Variants in NOX4 observed in about 807,000 individuals in gnomAD.
NOX4 encodes the protein NADPH oxidase 4, also known as kidney oxidase-1.
Under a neutral mutation model 87.6 loss-of-function variants are expected in NOX4, and 69 were observed. The observed-to-expected ratio is 0.79, with a 90% CI of 0.65 to 0.96. NOX4 has a LOEUF of 0.96. Ranked by LOEUF, NOX4 falls within the 40% of genes least tolerant of loss-of-function variation. The probability of loss-of-function intolerance (pLI) is 0.00; values close to 1 mark genes in which losing one functional copy is unlikely to be tolerated. For synonymous variants in NOX4, 275 were observed against 238.2 expected, an observed-to-expected ratio of 1.15 and a Z score of -1.42; for missense variants, 680 against 681.5, an observed-to-expected ratio of 1.00 and a Z score of 0.02.
chr11:89,422,124 A>C, intron 7 of NOX4, 142 bp from the exon 8 acceptor site: 1 of 492,710 alleles, frequency 2.0e-6, no homozygotes, highest in Admixed American at 4.3e-5. Context: ...TACTAATACC[A>C]AAGTATTAAC....
At chr11:89,536,348 A>G in the NOX4 span, among the ~76,000 whole-genome samples, 1 of 151,604 alleles carries the variant, frequency 6.6e-6, no homozygotes, top group Non-Finnish European at 1.5e-5. Flanking sequence ...GGGTTTCACC[A>G]TGTTAGCCAG....
At chr11:89,536,004 G>T in the NOX4 span, among the ~76,000 whole-genome samples, 1 of 151,936 alleles carries the variant, frequency 6.6e-6, no homozygotes, top group Non-Finnish European at 1.5e-5. Flanking sequence ...TTTACTAACC[G>T]CTGCCTTCAA....
At chr11:89,478,463 T>C (rs1453109062) in intron 2 of NOX4, among the ~76,000 whole-genome samples, 3 of 152,184 alleles carry the variant, frequency 2.0e-5, no homozygotes, top group African/African-American at 4.8e-5. Flanking sequence ...CATGACATCA[T>C]GCCACTCTCA....
intron 6 of NOX4, among the ~76,000 whole-genome samples, chr11:89,438,370 T>C (rs1411285625): frequency 1.0e-5 from 1 of 96,626 alleles, no homozygotes; most frequent in South Asian, 3.7e-4. Flanking sequence ...TTATATAATA[T>C]ATATAATATA....
chr11:89,360,854 A>T (rs1191545229), intron 12 of NOX4, among the ~76,000 whole-genome samples: 2 of 152,090 alleles, frequency 1.3e-5, no homozygotes, highest in African/African-American at 4.8e-5. Context: ...AAAAATGGCC[A>T]ACATCACTAA....
chr11:89,463,939 C>T (rs1945572960), intron 2 of NOX4, among the ~76,000 whole-genome samples: 1 of 151,850 alleles, frequency 6.6e-6, no homozygotes, highest in South Asian at 2.1e-4. Flanking sequence ...CTGGCATTTG[C>T]ATATGATAAG....
At chr11:89,571,833 C>A in the NOX4 span, among the ~76,000 whole-genome samples, 1 of 152,164 alleles carries the variant, frequency 6.6e-6, no homozygotes, top group Non-Finnish European at 1.5e-5. Context: ...ATACCTCCCC[C>A]ACAGGGAATT....
At chr11:89,493,908 A>G (rs1946919736), upstream of NOX4, among the ~76,000 whole-genome samples, 1 of 151,860 alleles carries the variant, frequency 6.6e-6, no homozygotes, top group Non-Finnish European at 1.5e-5. Context: ...GCATGTGCCA[A>G]CCCGCCCAGC....
At chr11:89,572,204 C>T in the NOX4 span, among the ~76,000 whole-genome samples, 1 of 152,218 alleles carries the variant, frequency 6.6e-6, no homozygotes, top group Non-Finnish European at 1.5e-5. Context: ...TGTCCTTAAC[C>T]TTGGCAAAAT....
At chr11:89,545,201 T>C in the NOX4 span, 1 of 152,172 alleles carries the variant, frequency 6.6e-6, no homozygotes, top group African/African-American at 2.4e-5. Context: ...GGTCATCTTA[T>C]CAGATGCTAG....
At position 89,402,492 on chromosome 11, in the gene NOX4, A is replaced by T. The variant is rs1658003689; in HGVS notation, c.680T>A (p.Ile227Asn). ...CTGAGAGCTGGTTCGGTTAAGACTGATGCAGCCGGGAGGGTGGGTATCTAA... is the reference window on the plus strand; with the variant it reads ...CTGAGAGCTGGTTCGGTTAAGACTGTTGCAGCCGGGAGGGTGGGTATCTAA... ...TNLDTHPPGC[I>N]SLNRTSSQNI... Residue 227 changes from isoleucine to asparagine, a missense_variant, in exon 9 of 18, where the codon ATC becomes AAC. Ile to Asn is a moderately radical substitution (Grantham distance 149). Transcript: ENST00000263317. 6.2e-7 allele frequency: 1 copy of T among 1,611,920 alleles called. No homozygotes were observed. The highest frequency in any genetic ancestry group is 8.5e-7 in the Non-Finnish European group (1 of 1,179,276).
chr11:89,486,101 C>T (rs2135484222), intron 2 of NOX4, among the ~76,000 whole-genome samples: 1 of 151,622 alleles, frequency 6.6e-6, no homozygotes, highest in Middle Eastern at 3.4e-3. Context: ...TTTTTTTACT[C>T]TTTAATTTTA....
At chr11:89,484,860 T>A (rs1946529183) in intron 2 of NOX4, among the ~76,000 whole-genome samples, 1 of 152,138 alleles carries the variant, frequency 6.6e-6, no homozygotes, top group South Asian at 2.1e-4. Flanking sequence ...TCCCCTGAAT[T>A]GTTATCATAA....
At position 89,380,782 on chromosome 11, in the gene NOX4, C is replaced by G. The variant is rs1940225064; in HGVS notation, c.1075-7290G>C. On this transcript the variant is annotated intron_variant, in intron 11 of 17. Transcript: ENST00000263317. The stretch of plus-strand genomic sequence containing the variant: ...CTATTAATTTTTCATGAACATTAAT[C>G]ATCTTCTCAGGAAATTTTCACCACT... Among the ~76,000 whole-genome samples the G allele has an allele frequency of 3.3e-5, 5 of 152,072 alleles. No homozygotes were observed. In the South Asian group the frequency reaches 1.0e-3, roughly 31 times the overall value.
intron 12 of NOX4, among the ~76,000 whole-genome samples, chr11:89,370,369 T>C (rs1376430578): frequency 6.6e-6 from 1 of 151,822 alleles, no homozygotes. Flanking sequence ...TAATTACATG[T>C]GGATGTTATG....
chr11:89,551,156 T>A, the NOX4 span, among the ~76,000 whole-genome samples: 5 of 152,178 alleles, frequency 3.3e-5, no homozygotes, highest in Non-Finnish European at 5.9e-5. Flanking sequence ...TTTGTTTTGG[T>A]ACCCATACCA....
chr11:89,546,544 A>G, the NOX4 span: 7 of 152,178 alleles, frequency 4.6e-5, no homozygotes, highest in African/African-American at 1.7e-4. Context: ...TAAACTTTTC[A>G]GTTTCTTATG....
intron 2 of NOX4, among the ~76,000 whole-genome samples, chr11:89,458,432 C>A (rs1945302313): frequency 1.3e-5 from 2 of 152,032 alleles, no homozygotes; most frequent in Admixed American, 1.3e-4. Flanking sequence ...ACAACAAAAG[C>A]AATTAAAACA....
intron 7 of NOX4, among the ~76,000 whole-genome samples, chr11:89,422,236 T>C (rs1373350068): frequency 6.6e-6 from 1 of 152,090 alleles, no homozygotes; most frequent in Non-Finnish European, 1.5e-5. Context: ...TAAAAATAAG[T>C]TGTTTATTTT....
Sources: gnomAD v4.1 joint callset for allele counts (sites outside exome capture counted in the v4.1 genomes callset) on GRCh38, gnomAD v4.1.1 for gene constraint, MANE v1.5 for transcripts, NCBI Gene and HGNC (gene_info 2026-07-23, HGNC 2026-07-21) for gene names.